The following SNAPC2 variants were observed in gnomAD, a reference collection of about 807,000 sequenced individuals.
SNAPC2 encodes the protein snRNA-activating protein complex subunit 2.
Under a neutral mutation model 22.9 loss-of-function variants are expected in SNAPC2, and 27 were observed. The observed-to-expected ratio is 1.18, with a 90% CI of 0.87 to 1.63. The LOEUF (loss-of-function observed/expected upper bound fraction) is 1.63, where lower values mean the gene tolerates loss of function less well. Among genes scored for constraint, SNAPC2 ranks in the 40% most tolerant of loss-of-function variants. SNAPC2 has a pLI of 0.00. For missense variants in SNAPC2, 570 were observed against 449.1 expected (o/e 1.27, Z -2.43); for synonymous variants, 272 against 201.0 (o/e 1.35, Z -2.99).
Position 7,922,752 on chromosome 19 carries a change from C to CG in SNAPC2, c.993_994insG (p.Pro332AlafsTer31). ...TGGAGCTTCTGGGTCGGGCAGCCACCCCTGCCAGGTGAGGGGCATGGCGGG... is the reference window on the plus strand; with the variant it reads ...TGGAGCTTCTGGGTCGGGCAGCCACCGCCTGCCAGGTGAGGGGCATGGCGGG... On this transcript the variant is annotated frameshift_variant, in exon 5 of 5. Coordinates refer to ENST00000221573, the MANE Select transcript of SNAPC2 (RefSeq NM_003083.4). LOFTEE classifies it high-confidence loss of function. 1 of 1,586,712 alleles carries CG rather than the reference C, an allele frequency of 6.3e-7. No homozygotes were observed. Among genetic ancestry groups the CG allele is most frequent in the Non-Finnish European group, 8.6e-7 (1 of 1,161,320 alleles).
chr19:7,922,350 G>T lies in SNAPC2; in HGVS notation c.685+3G>T. 6.2e-7 allele frequency: 1 copy of T among 1,611,788 alleles called. No individual in the cohort carries two copies. The highest frequency in any genetic ancestry group is 1.1e-5 in the South Asian group (1 of 90,856). ...CAGCCCCGAGCTCTCAGCAGCTGGT[G>T]AGAAGGGTGAGGGAGGGGGCAGGAG... On this transcript the variant is annotated splice_donor_region_variant and intron_variant, in intron 4 of 4. Transcript: ENST00000221573.
rs746397588 is a variant in SNAPC2, at chr19:7,922,108, G to T, written c.446G>T (p.Gly149Val). ...SKPPKPTQAR[G>V]KPLLLSAPGG... is the part of the protein sequence containing the mutation. ...CCCCCCAAGCCCACGCAGGCCCGTG[G>T]AAAGCCTTTGCTCCTGAGCGCCCCT... Residue 149 changes from glycine (G) to valine (V), a missense_variant, in exon 4 of 5, where the codon GGA (glycine) becomes GTA (valine). Transcript: ENST00000221573. The T allele has an allele frequency of 6.2e-7, 1 of 1,613,960 alleles. No individual in the cohort carries two copies. The highest frequency in any genetic ancestry group is 1.1e-5 in the South Asian group (1 of 91,076).
Position 7,921,455 on chromosome 19 carries a change from C to T in SNAPC2, c.216C>T (p.Arg72=), listed in dbSNP as rs1271699950. ...TCTTCCTCCAGCAGCTCAAGGGCCG[C>T]GTAGCCCGGGAGGCCATTCAGAAAG... The part of the protein sequence containing the change: ...IRVFLQQLKG[R]VAREAIQKVH... Residue 72 remains arginine (R), a synonymous_variant, in exon 2 of 5, where the codon CGC becomes CGT. Transcript: ENST00000221573. The T allele has an allele frequency of 4.3e-6, 7 of 1,613,738 alleles. No homozygotes were observed. The African/African-American group carries it at 5.3e-5, about 12-fold the overall frequency.
Position 7,922,586 on chromosome 19 carries a change from G to C in SNAPC2, c.827G>C (p.Gly276Ala), listed in dbSNP as rs140072402. Residue 276 changes from glycine (G) to alanine (A), a missense_variant, in exon 5 of 5, where the codon GGG becomes GCG. Physicochemically the swap from Gly to Ala is moderately conservative, Grantham distance 60. Coordinates refer to ENST00000221573, the MANE Select transcript of SNAPC2 (RefSeq NM_003083.4). ...PQPIPAGGSL[G>A]PAAEGDGAGS... ...CCCATTCCCGCTGGAGGGAGCCTGGGGCCTGCAGCAGAAGGGGATGGGGCT... is the reference window on the plus strand; with the variant it reads ...CCCATTCCCGCTGGAGGGAGCCTGGCGCCTGCAGCAGAAGGGGATGGGGCT... The C allele has an allele frequency of 6.8e-6, 11 of 1,613,464 alleles. No homozygotes were observed. The highest frequency in any genetic ancestry group is 1.7e-5 in the Admixed American group (1 of 59,988).
At chr19:7,921,021 G>T in intron 1 of SNAPC2, 1 of 1,143,870 alleles carries the variant, frequency 8.7e-7, no homozygotes, top group Non-Finnish European at 1.1e-6. Flanking sequence ...TAATGCGTGG[G>T]TGAGGCGAGG....
chr19:7,920,973 GA>G, intron 1 of SNAPC2: 7 of 1,111,074 alleles, frequency 6.3e-6, no homozygotes, highest in Non-Finnish European at 7.7e-6. Flanking sequence ...GCGTGGGCGG[GA>G]TGAGGGCAAG....
rs973269663 is a variant in SNAPC2, at chr19:7,921,674, G to A, written c.304-31G>A. On this transcript the variant is annotated intron_variant, in intron 2 of 4. Transcript: ENST00000221573. ...GGGGGGCCATTGCAGGCTGATCCCTGGGCTGACCCTGTACCTCTGGCTTCA... is the reference window on the plus strand; with the variant it reads ...GGGGGGCCATTGCAGGCTGATCCCTAGGCTGACCCTGTACCTCTGGCTTCA... 2.5e-6 allele frequency: 4 copies of A among 1,612,238 alleles called. No individual in the cohort carries two copies. The African/African-American group carries it at 5.3e-5, about 22-fold the overall frequency.
In SNAPC2 at chr19:7,922,324, G is replaced by A. The variant is rs146930849; in HGVS notation, c.662G>A (p.Arg221His). ...KYLSSVSRSG[R>H]SPELSAAESA... ...TTGTCCTCTGTCTCCCGAAGTGGCC[G>A]CAGCCCCGAGCTCTCAGCAGCTGGT... Residue 221 changes from arginine (R) to histidine (H), a missense_variant, in exon 4 of 5, where the codon CGC becomes CAC. Transcript: ENST00000221573. The A allele has an allele frequency of 7.7e-5, 124 of 1,613,398 alleles. No individual in the cohort carries two copies. Among genetic ancestry groups the A allele is most frequent in the Middle Eastern group, 4.9e-4 (3 of 6,080 alleles).
At chr19:7,921,844 C>G (rs1488793891) in intron 3 of SNAPC2, 71 bp downstream of exon 3, 2 of 1,522,128 alleles carry the variant, frequency 1.3e-6, no homozygotes, top group African/African-American at 1.4e-5. Flanking sequence ...TCATGTGAAC[C>G]TGGGTCCTGG....
At position 7,920,498 on chromosome 19, in the gene SNAPC2, G is replaced by A. The variant is rs766031074; in HGVS notation, c.132G>A (p.Glu44=). 1 of 1,501,472 alleles carries A rather than the reference G, an allele frequency of 6.7e-7. No individual in the cohort carries two copies. The highest frequency in any genetic ancestry group is 1.2e-5 in the South Asian group (1 of 80,684). 93.0% of individuals were successfully genotyped at this position (1,501,472 alleles called of 1,614,324 possible). ...TGCAGGCGCGGCAGGGCCAGCCGGA[G>A]CCGGACGCCACCGAGCTGGCCCGGG... ...RLLQARQGQP[E]PDATELAREL... The change falls in exon 1 of 5, where the codon GAG becomes GAA. Residue 44 remains glutamate (E), a synonymous_variant. Transcript: ENST00000221573.
Position 7,922,449 on chromosome 19 carries a change from C to A in SNAPC2, c.690C>A (p.Ser230=). 1.3e-6 allele frequency: 2 copies of A among 1,586,354 alleles called. No homozygotes were observed. Among genetic ancestry groups the A allele is most frequent in the Non-Finnish European group, 1.7e-6 (2 of 1,163,832 alleles). The change falls in exon 5 of 5, where the codon TCC becomes TCA. Residue 230 remains serine, a synonymous_variant. Transcript: ENST00000221573. Reference sequence around the variant, plus strand: ...CTCTCCTCCATCCATCACTAGAGTCCGCTGTGGTCCTCGACCTGCTCATGT... The same window carrying A: ...CTCTCCTCCATCCATCACTAGAGTCAGCTGTGGTCCTCGACCTGCTCATGT... ...GRSPELSAAE[S]AVVLDLLMSL... is the part of the protein sequence containing the mutation.
intron 1 of SNAPC2, chr19:7,921,161 A>G (rs939560206): frequency 1.0e-4 from 141 of 1,385,830 alleles, no homozygotes; most frequent in Non-Finnish European, 1.3e-4. Flanking sequence ...AGGGAGTTGA[A>G]CGGGGTAGTA....
rs543529915 is a variant in SNAPC2, at chr19:7,921,994, C to T, written c.373-41C>T. The T allele has an allele frequency of 9.9e-5, 156 of 1,572,322 alleles. 2 individuals carry two copies. The South Asian group carries it at 1.5e-3, about 15-fold the overall frequency. The stretch of plus-strand genomic sequence containing the variant: ...GGGGAATGTGTAGACGGTGAGAAGA[C>T]TTCCCAGCTCCTCTTCCTCCCTGAT... On this transcript the variant is annotated intron_variant, in intron 3 of 4. Coordinates refer to ENST00000221573, the MANE Select transcript of SNAPC2 (RefSeq NM_003083.4).
rs374890817 is a variant in SNAPC2, at chr19:7,921,451, G to A, written c.212G>A (p.Gly71Asp). 6.2e-7 allele frequency: 1 copy of A among 1,613,862 alleles called. No homozygotes were observed. Among genetic ancestry groups the A allele is most frequent in the African/African-American group, 1.3e-5 (1 of 75,028 alleles). ...EIRVFLQQLK[G>D]RVAREAIQKV... ...CGGGTCTTCCTCCAGCAGCTCAAGG[G>A]CCGCGTAGCCCGGGAGGCCATTCAG... Residue 71 changes from glycine to aspartate, a missense_variant, in exon 2 of 5, where the codon GGC becomes GAC. Transcript: ENST00000221573.
chr19:7,920,397 C>T lies in SNAPC2; in HGVS notation c.31C>T (p.Pro11Ser), dbSNP rs1983518959. The T allele has an allele frequency of 6.3e-7, 1 of 1,581,360 alleles. No homozygotes were observed. Among genetic ancestry groups the T allele is most frequent in the Non-Finnish European group, 8.5e-7 (1 of 1,171,648 alleles). MKPPPRRRAA[P>S]ARYLGEVTGP... ...GCCACCTCCCAGGCGGCGAGCGGCC[C>T]CGGCGCGCTATCTGGGCGAGGTGAC... The change falls in exon 1 of 5, where the codon CCG becomes TCG. Residue 11 changes from proline (P) to serine (S), a missense_variant. By Grantham distance (74) the Pro-to-Ser change is moderately conservative. Coordinates refer to ENST00000221573, the MANE Select transcript of SNAPC2 (RefSeq NM_003083.4).
At chr19:7,921,648 TG>T in intron 2 of SNAPC2, 56 bp from the exon 3 acceptor site, 2 of 1,608,960 alleles carry the variant, frequency 1.2e-6, no homozygotes, top group Non-Finnish European at 1.7e-6. Context: ...GAGCAGGGCT[TG>T]GGGGGCCATT....
rs1983527982 is a variant in SNAPC2 at position 7,920,562 on chromosome 19, T to G, written c.183+13T>G. The G allele has an allele frequency of 2.3e-6, 3 of 1,297,466 alleles. No individual in the cohort carries two copies. Among genetic ancestry groups the G allele is most frequent in the Non-Finnish European group, 2.0e-6 (2 of 1,002,392 alleles). The allele number at this position is 1,297,466 out of a possible 1,614,324, so 80.4% of individuals were successfully genotyped here. On this transcript the variant is annotated intron_variant, in intron 1 of 4. Coordinates refer to ENST00000221573, the MANE Select transcript of SNAPC2 (RefSeq NM_003083.4). ...GAGCGAGGCTGAGGTGAGATGCGGTTCTCGGGACCGGAGCCAGGCTGGAGG... is the reference window on the plus strand; with the variant it reads ...GAGCGAGGCTGAGGTGAGATGCGGTGCTCGGGACCGGAGCCAGGCTGGAGG...
chr19:7,922,951 G>A lies in SNAPC2; in HGVS notation c.*187G>A, dbSNP rs1426491019. ...TCAGAAATGGAACCCCCGTTGTACAGGGGTTGGGTGGGGGTTGCAGGACTC... is the reference window on the plus strand; with the variant it reads ...TCAGAAATGGAACCCCCGTTGTACAAGGGTTGGGTGGGGGTTGCAGGACTC... On this transcript the variant is annotated 3_prime_UTR_variant, in exon 5 of 5. Coordinates refer to ENST00000221573, the MANE Select transcript of SNAPC2 (RefSeq NM_003083.4). 2 of 548,498 alleles carry A rather than the reference G, an allele frequency of 3.6e-6. No individual in the cohort carries two copies. Among genetic ancestry groups the A allele is most frequent in the African/African-American group, 1.9e-5 (1 of 52,270 alleles). 34.0% of individuals were successfully genotyped at this position (548,498 alleles called of 1,614,324 possible).
In SNAPC2 at chr19:7,922,440, A is replaced by G. The variant is rs111817203; in HGVS notation, c.686-5A>G. On this transcript the variant is annotated splice_region_variant and splice_polypyrimidine_tract_variant and intron_variant, in intron 4 of 4. Coordinates refer to ENST00000221573, the MANE Select transcript of SNAPC2 (RefSeq NM_003083.4). Reference sequence around the variant, plus strand: ...CCCTTACCCCTCTCCTCCATCCATCACTAGAGTCCGCTGTGGTCCTCGACC... The same window carrying G: ...CCCTTACCCCTCTCCTCCATCCATCGCTAGAGTCCGCTGTGGTCCTCGACC... 4.3e-4 allele frequency: 676 copies of G among 1,583,210 alleles called. 6 individuals are homozygous for G. The African/African-American group carries it at 8.3e-3, about 19-fold the overall frequency.
Sources: gnomAD v4.1 joint callset for allele counts on GRCh38, gnomAD v4.1.1 for gene constraint, MANE v1.5 for transcripts, NCBI Gene and HGNC (gene_info 2026-07-23, HGNC 2026-07-21) for gene names.